ATOSA: variants seen among roughly 807,000 people sequenced by gnomAD.
ATOSA encodes atos homolog A.
the ATOSA span, among the ~76,000 whole-genome samples, chr15:52,670,917 G>A: frequency 1.2e-4 from 19 of 152,168 alleles, no homozygotes; most frequent in Admixed American, 1.2e-3. Flanking sequence ...ATCCAAGAAT[G>A]GGTCCCAAAT....
the ATOSA span, among the ~76,000 whole-genome samples, chr15:52,658,973 A>C: frequency 1.2e-4 from 18 of 152,050 alleles, no homozygotes; most frequent in African/African-American, 4.3e-4. Flanking sequence ...CAACAGGGCA[A>C]GAACCTGTCT....
At chr15:52,618,626 T>C in the ATOSA span, among the ~76,000 whole-genome samples, 2 of 152,206 alleles carry the variant, frequency 1.3e-5, no homozygotes, top group Non-Finnish European at 1.5e-5. Flanking sequence ...ACTCTTGCAG[T>C]AGGAATTATC....
At chr15:52,607,805 T>C in the ATOSA span, among the ~76,000 whole-genome samples, 4 of 152,214 alleles carry the variant, frequency 2.6e-5, no homozygotes, top group African/African-American at 4.8e-5. Context: ...ATAAATATTA[T>C]ATAGTATTCA....
At chr15:52,678,076 A>G in the ATOSA span, 6 of 1,606,722 alleles carry the variant, frequency 3.7e-6, no homozygotes, top group Non-Finnish European at 5.1e-6. Context: ...GGGTTCTTTC[A>G]ACAGGCTCGC....
chr15:52,703,628 G>A, the ATOSA span, among the ~76,000 whole-genome samples: 1 of 151,982 alleles, frequency 6.6e-6, no homozygotes. Flanking sequence ...ATATGCACAA[G>A]GTTATTCATT....
the ATOSA span, among the ~76,000 whole-genome samples, chr15:52,708,111 A>T: frequency 6.6e-6 from 1 of 152,186 alleles, no homozygotes; most frequent in African/African-American, 2.4e-5. Flanking sequence ...TGTAGTAAAT[A>T]GGACAAAATG....
chr15:52,603,487 T>C, the ATOSA span, among the ~76,000 whole-genome samples: 14,360 of 151,970 alleles, frequency 0.094, 1,029 homozygotes, highest in East Asian at 0.35. Context: ...GCATATATCT[T>C]AAGGAAAAAA....
At chr15:52,663,460 A>C in the ATOSA span, among the ~76,000 whole-genome samples, 17 of 152,354 alleles carry the variant, frequency 1.1e-4, no homozygotes, top group African/African-American at 4.1e-4. Context: ...ATACCACAGA[A>C]TAGTTCATCA....
the ATOSA span, chr15:52,582,042 A>G: frequency 2.4e-6 from 2 of 842,912 alleles, no homozygotes; most frequent in East Asian, 3.2e-5. Flanking sequence ...CTGGTCCAGG[A>G]TAACAGGAGA....
the ATOSA span, among the ~76,000 whole-genome samples, chr15:52,661,931 C>CAAAAAAAAAAAAAAA: frequency 5.5e-5 from 4 of 73,252 alleles, no homozygotes; most frequent in Non-Finnish European, 7.0e-5. Context: ...CAAGCCAGGC[C>CAAAAAAAAAAAAAAA]AAAAAAAAAA....
the ATOSA span, among the ~76,000 whole-genome samples, chr15:52,695,476 G>A: frequency 1.3e-5 from 2 of 152,018 alleles, no homozygotes; most frequent in African/African-American, 4.8e-5. Context: ...CTTCTCTCCC[G>A]CCTTTTCTTC....
chr15:52,608,148 C>T, the ATOSA span, among the ~76,000 whole-genome samples: 1 of 152,202 alleles, frequency 6.6e-6, no homozygotes, highest in East Asian at 1.9e-4. Context: ...CCTTGGCCTC[C>T]CAAAGTGTTG....
At chr15:52,662,437 T>C in the ATOSA span, among the ~76,000 whole-genome samples, 12 of 152,168 alleles carry the variant, frequency 7.9e-5, no homozygotes, top group South Asian at 6.2e-4. Flanking sequence ...TCAAAATAAA[T>C]AGTGCAGCTT....
At chr15:52,650,553 T>C in the ATOSA span, among the ~76,000 whole-genome samples, 2 of 152,326 alleles carry the variant, frequency 1.3e-5, no homozygotes, top group South Asian at 4.1e-4. Context: ...CACAAAAGCA[T>C]GGGATAATAT....
chr15:52,636,489 G>A, the ATOSA span, among the ~76,000 whole-genome samples: 14 of 152,216 alleles, frequency 9.2e-5, no homozygotes, highest in African/African-American at 3.1e-4. Context: ...CCGTACAACT[G>A]GGAATATAAA....
chr15:52,662,953 A>G, the ATOSA span, among the ~76,000 whole-genome samples: 1 of 152,292 alleles, frequency 6.6e-6, no homozygotes, highest in Admixed American at 6.5e-5. Context: ...GGTAATTTTT[A>G]TAACAGCGGG....
the ATOSA span, chr15:52,678,039 G>T: frequency 1.9e-5 from 30 of 1,613,784 alleles, no homozygotes; most frequent in South Asian, 2.3e-4. Context: ...TCCAATTTTC[G>T]CCCAGAGTGC....
At chr15:52,701,769 A>G in the ATOSA span, among the ~76,000 whole-genome samples, 2 of 152,190 alleles carry the variant, frequency 1.3e-5, no homozygotes, top group Non-Finnish European at 2.9e-5. Context: ...ATTAACATAC[A>G]AATGAGAAAT....
the ATOSA span, among the ~76,000 whole-genome samples, chr15:52,631,514 C>G: frequency 6.6e-6 from 1 of 152,072 alleles, no homozygotes; most frequent in South Asian, 2.1e-4. Flanking sequence ...GTTCAACTTT[C>G]CAAAGGATAC....
Sources: allele counts gnomAD v4.1 joint callset (sites outside exome capture counted in the v4.1 genomes callset), GRCh38; gene constraint gnomAD v4.1.1; transcripts MANE v1.5; gene names NCBI Gene and HGNC (gene_info 2026-07-23, HGNC 2026-07-21).